The following HECTD4 variants were observed in gnomAD, a reference collection of about 807,000 sequenced individuals.
HECTD4 encodes HECT domain E3 ubiquitin protein ligase 4.
A neutral mutation model predicts 471.5 loss-of-function variants in HECTD4; 114 were observed. The ratio of observed to expected loss-of-function variants is 0.24; its 90% CI spans 0.21 to 0.28. The LOEUF (loss-of-function observed/expected upper bound fraction) is 0.28. Among genes scored for constraint, HECTD4 ranks in the 10% least tolerant of loss-of-function variants. HECTD4 has a pLI of 1.00. For missense variants in HECTD4, 3,866 were observed against 5,651.5 expected, an observed-to-expected ratio of 0.68 and a Z score of 10.13; for synonymous variants, 2,012 against 2,256.0, an observed-to-expected ratio of 0.89 and a Z score of 3.07.
intron 1 of HECTD4, among the ~76,000 whole-genome samples, chr12:112,374,618 G>A (rs1307221269): frequency 6.6e-6 from 1 of 152,160 alleles, no homozygotes; most frequent in Non-Finnish European, 1.5e-5. Context: ...GTGAACAAGG[G>A]TAGTTTATTC....
At chr12:112,378,394 AT>A (rs372000525) in intron 1 of HECTD4, among the ~76,000 whole-genome samples, 31,704 of 145,008 alleles carry the variant, frequency 0.22, 5,376 homozygotes, top group East Asian at 0.85. Flanking sequence ...AATTTTTTGT[AT>A]TTTTTTTTTT....
chr12:112,358,814 T>C (rs920038599), intron 1 of HECTD4, among the ~76,000 whole-genome samples: 7 of 151,998 alleles, frequency 4.6e-5, no homozygotes, highest in Non-Finnish European at 7.4e-5. Flanking sequence ...AAAAAGAAAT[T>C]TGTGTCACTG....
At position 112,179,267 on chromosome 12, in the gene HECTD4, C is replaced by T. The variant is rs776356456; in HGVS notation, c.11118G>A (p.Glu3706=). ...TGCCTGGGGTCTGGGAGTTGATCTGCTCTTTGCTAAGATAAATGTCAGAGA... is the reference window on the plus strand; with the variant it reads ...TGCCTGGGGTCTGGGAGTTGATCTGTTCTTTGCTAAGATAAATGTCAGAGA... The part of the protein sequence containing the change: ...IRVSDIYLSK[E]QINSQTPGNL... Residue 3706 remains glutamate (E), a synonymous_variant, in exon 63 of 76, where the codon GAG becomes GAA. Coordinates refer to ENST00000682272, the MANE Select transcript of HECTD4 (RefSeq NM_001388303.1). This position sits in a 1 kb window ranked among gnomAD's most constrained non-coding sequence, Gnocchi z 4.3. 10 of 1,613,638 alleles carry T rather than the reference C, an allele frequency of 6.2e-6. No homozygotes were observed. Among genetic ancestry groups the T allele is most frequent in the South Asian group, 1.1e-5 (1 of 90,972 alleles).
chr12:112,318,855 T>TAAAG (rs774018858), intron 2 of HECTD4, among the ~76,000 whole-genome samples: 1 of 152,254 alleles, frequency 6.6e-6, no homozygotes, highest in African/African-American at 2.4e-5. Flanking sequence ...AATAGCTCTA[T>TAAAG]AAAGTTTTGA....
At chr12:112,269,023 C>A (rs555222403) in intron 13 of HECTD4, among the ~76,000 whole-genome samples, 1 of 150,630 alleles carries the variant, frequency 6.6e-6, no homozygotes, top group Admixed American at 6.6e-5. Flanking sequence ...TACAGGAGCG[C>A]GCCACCATGC....
At position 112,184,251 on chromosome 12, in the gene HECTD4, G is replaced by A. The variant is rs764935356; in HGVS notation, c.10715C>T (p.Thr3572Ile). The A allele has an allele frequency of 1.9e-6, 3 of 1,613,480 alleles. No homozygotes were observed. Among genetic ancestry groups the A allele is most frequent in the Non-Finnish European group, 2.5e-6 (3 of 1,179,892 alleles). Reference sequence around the variant, plus strand: ...GGGCTGGTTGTCCAGGGAAGTGACTGTGTACATGGAGCCCATGTCCGACAC... The same window carrying A: ...GGGCTGGTTGTCCAGGGAAGTGACTATGTACATGGAGCCCATGTCCGACAC... ...ASVSDMGSMY[T>I]VTSLDNQPLA... The change falls in exon 61 of 76, where the codon ACA becomes ATA. Residue 3572 changes from threonine (T) to isoleucine (I), a missense_variant. Physicochemically the swap from Thr to Ile is moderately conservative, Grantham distance 89. Transcript: ENST00000682272. The surrounding 1 kb of genome is among the most constrained non-coding windows in gnomAD (Gnocchi z 9.1).
intron 7 of HECTD4, among the ~76,000 whole-genome samples, chr12:112,295,006 G>C (rs1333363116): frequency 6.6e-6 from 1 of 151,776 alleles, no homozygotes; most frequent in East Asian, 1.9e-4. Flanking sequence ...CTGTGTGCCG[G>C]GTACTATTCT....
In HECTD4 at chr12:112,244,013, G is replaced by GA. The variant is rs201254042; in HGVS notation, c.4514-5dup. On this transcript the variant is annotated splice_polypyrimidine_tract_variant and splice_region_variant and intron_variant, in intron 29 of 75. Transcript: ENST00000682272. Reference sequence around the variant, plus strand: ...GTTTCAGAAGCTGATTTACAAGCTAGAAAAAAAAGGAATAAAAAGGCTGAC... The same window carrying GA: ...GTTTCAGAAGCTGATTTACAAGCTAGAAAAAAAAAGGAATAAAAAGGCTGAC... The GA allele has an allele frequency of 3.3e-4, 526 of 1,605,808 alleles. 2 individuals are homozygous for GA. In the African/African-American group the frequency reaches 3.7e-3, roughly 11 times the overall value.
chr12:112,162,612 C>A lies in HECTD4; in HGVS notation c.13121-89G>T. The A allele has an allele frequency of 5.2e-6, 8 of 1,538,222 alleles. No individual in the cohort carries two copies. The highest frequency in any genetic ancestry group is 2.1e-4 in the Middle Eastern group (1 of 4,772). The stretch of plus-strand genomic sequence containing the variant: ...GGGCTGGCCTCTGCTTCCAGGTTTG[C>A]CTCCTTGGGTAGCCCCAAGCCAATC... On this transcript the variant is annotated intron_variant, in intron 75 of 75. Coordinates refer to ENST00000682272, the MANE Select transcript of HECTD4 (RefSeq NM_001388303.1). The surrounding 1 kb of genome is among the most constrained non-coding windows in gnomAD (Gnocchi z 5.2).
At chr12:112,250,727 T>G (rs1464132384) in intron 24 of HECTD4, among the ~76,000 whole-genome samples, 1 of 152,218 alleles carries the variant, frequency 6.6e-6, no homozygotes, top group Non-Finnish European at 1.5e-5. Flanking sequence ...TTCAATTTAA[T>G]TAGACAATAA....
chr12:112,182,963 C>T lies in HECTD4; in HGVS notation c.10987+96G>A. On this transcript the variant is annotated intron_variant, in intron 62 of 75. Transcript: ENST00000682272. The stretch of plus-strand genomic sequence containing the variant: ...TGCAAGATGTTAAAAATAGGGGATA[C>T]TGGGGAGGGGAGGAGATTTTAATGC... 3 of 828,068 alleles carry T rather than the reference C, an allele frequency of 3.6e-6. No individual in the cohort carries two copies. In the East Asian group the frequency reaches 7.3e-5, roughly 20 times the overall value. The allele number at this position is 828,068 out of a possible 1,614,324, so 51.3% of individuals were successfully genotyped here.
intron 13 of HECTD4, among the ~76,000 whole-genome samples, chr12:112,269,120 G>A (rs1308665027): frequency 2.0e-5 from 3 of 151,846 alleles, no homozygotes. Flanking sequence ...TGATCCGCCC[G>A]TCTCGGCCTC....
chr12:112,317,456 A>G (rs1241489411), intron 2 of HECTD4, among the ~76,000 whole-genome samples: 1 of 152,220 alleles, frequency 6.6e-6, no homozygotes, highest in East Asian at 1.9e-4. Flanking sequence ...ATAATTATCC[A>G]AGAAGAATTC....
At chr12:112,270,000 TTATAG>T (rs977608297) in intron 12 of HECTD4, among the ~76,000 whole-genome samples, 151 bp from the exon 13 acceptor site, 2 of 152,206 alleles carry the variant, frequency 1.3e-5, no homozygotes, top group African/African-American at 4.8e-5. Flanking sequence ...AACGGTATAA[TTATAG>T]TAAATATTTT....
intron 1 of HECTD4, among the ~76,000 whole-genome samples, chr12:112,325,192 T>C (rs957862531): frequency 6.6e-6 from 1 of 152,180 alleles, no homozygotes; most frequent in Non-Finnish European, 1.5e-5. Context: ...TTTCTGACCA[T>C]TCTATTTTTA....
At chr12:112,301,048 C>A (rs1393033182) in intron 7 of HECTD4, among the ~76,000 whole-genome samples, 3 of 150,602 alleles carry the variant, frequency 2.0e-5, no homozygotes, top group Non-Finnish European at 4.4e-5. Flanking sequence ...CCATGCCCGG[C>A]TAATTTTTTT....
At chr12:112,365,720 T>C (rs1166923507) in intron 1 of HECTD4, among the ~76,000 whole-genome samples, 18 of 151,844 alleles carry the variant, frequency 1.2e-4, no homozygotes, top group East Asian at 1.9e-4. Context: ...TTAAAAACAA[T>C]GTTTCTCTTG....
intron 72 of HECTD4, among the ~76,000 whole-genome samples, chr12:112,165,727 C>T (rs2030925714): frequency 1.3e-5 from 2 of 152,240 alleles, no homozygotes; most frequent in Admixed American, 1.3e-4. Context: ...CACCAGACAG[C>T]CCTGACTTAG....
intron 28 of HECTD4, 53 bp from the exon 29 acceptor site, chr12:112,247,129 A>C: frequency 7.3e-7 from 1 of 1,370,348 alleles, no homozygotes; most frequent in East Asian, 2.5e-5. Context: ...ATCAAAAACA[A>C]CTATTAAAAA....
Sources: allele counts gnomAD v4.1 joint callset (sites outside exome capture counted in the v4.1 genomes callset), GRCh38; gene constraint gnomAD v4.1.1; non-coding constraint Gnocchi (gnomAD v3.1); transcripts MANE v1.5; gene names NCBI Gene and HGNC (gene_info 2026-07-23, HGNC 2026-07-21).